The following NPAS2 variants were observed in gnomAD, a reference collection of about 807,000 sequenced individuals.
NPAS2 encodes neuronal PAS domain protein 2.
NPAS2 carries 23 observed loss-of-function variants against 107.5 expected under a neutral mutation model. That is an observed-to-expected ratio of 0.21 (90% CI 0.15 to 0.30). The LOEUF (loss-of-function observed/expected upper bound fraction) is 0.30. Among genes scored for constraint, NPAS2 ranks in the 10% least tolerant of loss-of-function variants. The pLI, the probability that NPAS2 is intolerant of heterozygous loss-of-function variation, is 1.00. For synonymous variants in NPAS2, 403 were observed against 417.5 expected (o/e 0.97, Z 0.42); for missense variants, 756 against 1,043.3 (o/e 0.72, Z 3.79).
chr2:100,852,341 G>A (rs896415730), intron 1 of NPAS2, among the ~76,000 whole-genome samples: 2 of 152,130 alleles, frequency 1.3e-5, no homozygotes, highest in African/African-American at 4.8e-5. Context: ...AGCTTGCAGT[G>A]AGCTGAGATC....
chr2:100,920,980 ACAC>A lies in NPAS2; in HGVS notation c.33-4163_33-4161del, dbSNP rs544074592. 4.4e-3 allele frequency among the ~76,000 whole-genome samples: 669 copies of A among 152,300 alleles called. 5 individuals carry two copies. Among genetic ancestry groups the A allele is most frequent in the South Asian group, 0.022 (106 of 4,818 alleles). ...TACCCTTCCCCAACGGGGAACACAAACACCAGCCTCCTGTTAGTGTGTGGCACT... is the reference window on the plus strand; with the variant it reads ...TACCCTTCCCCAACGGGGAACACAAACAGCCTCCTGTTAGTGTGTGGCACT... On this transcript the variant is annotated intron_variant, in intron 2 of 20. Coordinates refer to ENST00000335681, the MANE Select transcript of NPAS2 (RefSeq NM_002518.4).
intron 6 of NPAS2, among the ~76,000 whole-genome samples, chr2:100,949,144 CTAA>C (rs1169016662): frequency 2.6e-5 from 4 of 152,160 alleles, no homozygotes; most frequent in African/African-American, 7.2e-5. Context: ...CAAATTAAGA[CTAA>C]TTGGGTCCAT....
intron 1 of NPAS2, among the ~76,000 whole-genome samples, chr2:100,822,170 T>C (rs1573392302): frequency 6.6e-6 from 1 of 152,104 alleles, no homozygotes; most frequent in South Asian, 2.1e-4. Context: ...CCTGTGGAGG[T>C]GAAAGAAGGA....
At chr2:100,907,088 A>G (rs950266686) in intron 2 of NPAS2, among the ~76,000 whole-genome samples, 11 of 152,262 alleles carry the variant, frequency 7.2e-5, no homozygotes, top group Non-Finnish European at 1.2e-4. Flanking sequence ...TGCTGTTGTC[A>G]TCTTTAATAT....
intron 18 of NPAS2, 60 bp from the exon 19 acceptor site, chr2:100,990,720 A>G (rs772030314): frequency 6.2e-6 from 9 of 1,456,878 alleles, no homozygotes; most frequent in Non-Finnish European, 7.7e-6. Flanking sequence ...TGCTGCCACG[A>G]CCAGTGGGTC....
chr2:100,988,522 G>T, intron 17 of NPAS2: 1 of 513,716 alleles, frequency 1.9e-6, no homozygotes, highest in East Asian at 3.4e-5. Flanking sequence ...TTGCTCTCGT[G>T]CTTAAAGATA....
intron 16 of NPAS2, chr2:100,987,298 C>T (rs867072665): frequency 6.6e-6 from 1 of 152,216 alleles, no homozygotes; most frequent in South Asian, 2.1e-4. Context: ...TTCTCAAGAA[C>T]ACCTCAAATT....
intron 3 of NPAS2, among the ~76,000 whole-genome samples, chr2:100,926,929 CTTTTT>C (rs992375983): frequency 7.0e-6 from 1 of 143,364 alleles, no homozygotes; most frequent in Admixed American, 6.9e-5. Context: ...AACCTTTTTT[CTTTTT>C]TTCTTTCTTT....
intron 1 of NPAS2, among the ~76,000 whole-genome samples, chr2:100,869,692 T>C (rs1679447759): frequency 6.6e-6 from 1 of 152,168 alleles, no homozygotes; most frequent in Non-Finnish European, 1.5e-5. Context: ...ACATCCTTCC[T>C]TTGAGGTCGA....
Position 100,925,314 on chromosome 2 carries a change from C to T in NPAS2, c.181+20C>T, listed in dbSNP as rs1683490307. The T allele has an allele frequency of 2.5e-6, 4 of 1,612,462 alleles. No individual in the cohort carries two copies. Among genetic ancestry groups the T allele is most frequent in the Non-Finnish European group, 3.4e-6 (4 of 1,179,228 alleles). ...ACAATGGTAAAGGTCACCCTTCTCT[C>T]TGTTTTTTTTCCACCCTGCCCCGTC... On this transcript the variant is annotated intron_variant, in intron 3 of 20. Coordinates refer to ENST00000335681, the MANE Select transcript of NPAS2 (RefSeq NM_002518.4).
intron 5 of NPAS2, among the ~76,000 whole-genome samples, chr2:100,946,472 A>G (rs1674905877): frequency 6.6e-6 from 1 of 152,196 alleles, no homozygotes; most frequent in Non-Finnish European, 1.5e-5. Flanking sequence ...GCCTGAGGGA[A>G]CAGCCCAGGT....
intron 2 of NPAS2, among the ~76,000 whole-genome samples, chr2:100,907,568 A>G (rs781554952): frequency 7.9e-4 from 120 of 152,038 alleles, no homozygotes; most frequent in Middle Eastern, 3.4e-3. Context: ...TAGCAGTAAC[A>G]TGGGAGGCCC....
chr2:100,966,662 C>T (rs1676232809), intron 10 of NPAS2, among the ~76,000 whole-genome samples: 2 of 148,988 alleles, frequency 1.3e-5, no homozygotes, highest in African/African-American at 2.5e-5. Context: ...GGCGCAATCT[C>T]GGCTCACTGC....
At chr2:100,844,610 C>G (rs1481160552) in intron 1 of NPAS2, among the ~76,000 whole-genome samples, 2 of 152,090 alleles carry the variant, frequency 1.3e-5, no homozygotes, top group Non-Finnish European at 2.9e-5. Flanking sequence ...ATTAATTTTT[C>G]TTTTTCATTT....
chr2:100,921,020 C>T (rs561989713), intron 2 of NPAS2, among the ~76,000 whole-genome samples: 5 of 152,230 alleles, frequency 3.3e-5, no homozygotes, highest in Non-Finnish European at 4.4e-5. Context: ...TTTCTCTGCA[C>T]GGTGTGCTTA....
At chr2:100,950,285 GA>G (rs959977908) in intron 7 of NPAS2, among the ~76,000 whole-genome samples, 5 of 151,446 alleles carry the variant, frequency 3.3e-5, no homozygotes, top group Middle Eastern at 3.2e-3. Context: ...AGCAAAGATG[GA>G]AAAAAAATAA....
At chr2:100,979,624 C>G (rs1677310998) in intron 15 of NPAS2, among the ~76,000 whole-genome samples, 1 of 149,312 alleles carries the variant, frequency 6.7e-6, no homozygotes, top group East Asian at 2.0e-4. Context: ...AGCGATTCTT[C>G]TGCCTCAGCC....
intron 2 of NPAS2, among the ~76,000 whole-genome samples, chr2:100,916,995 A>G (rs942742317): frequency 6.6e-6 from 1 of 152,200 alleles, no homozygotes; most frequent in African/African-American, 2.4e-5. Context: ...ATACATTTCA[A>G]AATTAGTGGG....
At chr2:100,860,332 C>A (rs189862993) in intron 1 of NPAS2, among the ~76,000 whole-genome samples, 4 of 152,186 alleles carry the variant, frequency 2.6e-5, no homozygotes, top group Non-Finnish European at 5.9e-5. Context: ...GTGTATCAGA[C>A]GACCATGCTG....
Sources: allele counts gnomAD v4.1 joint callset (sites outside exome capture counted in the v4.1 genomes callset), GRCh38; gene constraint gnomAD v4.1.1; transcripts MANE v1.5; gene names NCBI Gene and HGNC (gene_info 2026-07-23, HGNC 2026-07-21).